PAPPA2: variants seen among roughly 807,000 people sequenced by gnomAD.
PAPPA2 encodes the protein pappalysin 2.
A neutral mutation model predicts 176.4 loss-of-function variants in PAPPA2; 86 were observed. That is an observed-to-expected ratio of 0.49 (90% CI 0.41 to 0.58). PAPPA2 has a LOEUF of 0.58. Ranked by LOEUF, PAPPA2 falls within the 20% of genes least tolerant of loss-of-function variation. PAPPA2 has a pLI of 0.00. For synonymous variants in PAPPA2, 809 were observed against 852.2 expected, an observed-to-expected ratio of 0.95 and a Z score of 0.88; for missense variants, 2,073 against 2,256.9, an observed-to-expected ratio of 0.92 and a Z score of 1.65.
intron 1 of PAPPA2, among the ~76,000 whole-genome samples, chr1:176,536,777 C>T (rs1267282884): frequency 2.0e-5 from 3 of 152,104 alleles, no homozygotes; most frequent in Admixed American, 6.6e-5. Flanking sequence ...GCCCAGAGTC[C>T]GAGTGGGAGG....
intron 17 of PAPPA2, among the ~76,000 whole-genome samples, chr1:176,784,787 C>G (rs914079484): frequency 2.6e-5 from 4 of 152,086 alleles, no homozygotes; most frequent in Admixed American, 2.6e-4. Context: ...GGGGTTTCAC[C>G]ATATTGGCCA....
chr1:176,842,356 T>A, intron 22 of PAPPA2, 24 bp from the exon 23 acceptor site: 1 of 1,603,430 alleles, frequency 6.2e-7, no homozygotes, highest in Non-Finnish European at 8.5e-7. Flanking sequence ...ATGAGCTATT[T>A]CTACTTCCCT....
At chr1:176,696,120 GA>G (rs1007608558) in intron 7 of PAPPA2, among the ~76,000 whole-genome samples, 2 of 152,038 alleles carry the variant, frequency 1.3e-5, no homozygotes, top group Admixed American at 1.3e-4. Context: ...ATATAGGACA[GA>G]AGGATGGAGA....
At position 176,788,175 on chromosome 1, in the gene PAPPA2, A is replaced by G. The variant is rs1296042922; in HGVS notation, c.4716-1634A>G. On this transcript the variant is annotated intron_variant, in intron 17 of 22. Coordinates refer to ENST00000367662, the MANE Select transcript of PAPPA2 (RefSeq NM_020318.3). ...CTGACATGCTGTTAGTTTCAGTTCA[A>G]TGATTCAATTCAGCAGATACTTACT... is the stretch of plus-strand genomic sequence containing the variant. 4.6e-5 allele frequency among the ~76,000 whole-genome samples: 7 copies of G among 152,338 alleles called. No individual in the cohort carries two copies. In the South Asian group the frequency reaches 1.0e-3, roughly 23 times the overall value.
chr1:176,473,229 T>G (rs927354680), intron 1 of PAPPA2, among the ~76,000 whole-genome samples: 2 of 152,202 alleles, frequency 1.3e-5, no homozygotes, highest in Non-Finnish European at 1.5e-5. Context: ...CAACCACTTA[T>G]CTTTTTACTG....
At chr1:176,751,205 TG>T (rs1156427267) in intron 14 of PAPPA2, among the ~76,000 whole-genome samples, 6 of 152,032 alleles carry the variant, frequency 3.9e-5, no homozygotes, top group Non-Finnish European at 8.8e-5. Context: ...TCTATATCTC[TG>T]TTTTGGTACC....
chr1:176,699,261 G>A lies in PAPPA2; in HGVS notation c.2908G>A (p.Val970Ile), dbSNP rs757371595. The A allele has an allele frequency of 1.9e-6, 3 of 1,614,008 alleles. No homozygotes were observed. The highest frequency in any genetic ancestry group is 1.3e-5 in the African/African-American group (1 of 74,912). Residue 970 changes from valine to isoleucine, a missense_variant, in exon 8 of 23, where the codon GTC (valine) becomes ATC (isoleucine). Physicochemically the swap from Val to Ile is conservative, Grantham distance 29. Transcript: ENST00000367662. ...PVQADTLTLWVTSFFMESSQV... is the reference protein window; with the variant it reads ...PVQADTLTLWITSFFMESSQV... Reference sequence around the variant, plus strand: ...CCAAGCCGACACCCTCACCCTGTGGGTCACTTCCTTCTTCATGGAGTCCTC... The same window carrying A: ...CCAAGCCGACACCCTCACCCTGTGGATCACTTCCTTCTTCATGGAGTCCTC...
chr1:176,599,693 G>A (rs1654201630), intron 3 of PAPPA2, among the ~76,000 whole-genome samples: 1 of 151,428 alleles, frequency 6.6e-6, no homozygotes, highest in Non-Finnish European at 1.5e-5. Context: ...GTTTTTTTGT[G>A]TGTTATATCC....
chr1:176,765,344 G>A (rs892321229), intron 14 of PAPPA2, among the ~76,000 whole-genome samples: 1 of 152,136 alleles, frequency 6.6e-6, no homozygotes, highest in Non-Finnish European at 1.5e-5. Context: ...AATATTTTGA[G>A]TGTCATCCCA....
At position 176,556,641 on chromosome 1, in the gene PAPPA2, G is replaced by A. The variant is rs1177398332; in HGVS notation, c.319G>A (p.Val107Ile). ...PDTEGNAVSL[V>I]PPDLTENPAG... ...CACTGAAGGAAATGCTGTGAGCCTT[G>A]TTCCCCCAGACCTGACTGAAAATCC... Residue 107 changes from valine to isoleucine, a missense_variant, in exon 2 of 23, where the codon GTT (valine) becomes ATT (isoleucine). Transcript: ENST00000367662. 4 of 1,614,198 alleles carry A rather than the reference G, an allele frequency of 2.5e-6. No homozygotes were observed. In the Admixed American group the frequency reaches 5.0e-5, roughly 20 times the overall value.
In PAPPA2 at chr1:176,576,177, AACTC is replaced by A. The variant is rs1442769199; in HGVS notation, c.920-18346_920-18343del. The stretch of plus-strand genomic sequence containing the variant: ...AAATGGTTTTCTGGAATGGTTTACT[AACTC>A]TCTCTCACTCCAGCAGTGCATGAGT... On this transcript the variant is annotated intron_variant, in intron 2 of 22. Coordinates refer to ENST00000367662, the MANE Select transcript of PAPPA2 (RefSeq NM_020318.3). Among the ~76,000 whole-genome samples, 5 of 152,130 alleles carry A rather than the reference AACTC, an allele frequency of 3.3e-5. No homozygotes were observed. The East Asian group carries it at 9.6e-4, about 29-fold the overall frequency.
At chr1:176,733,910 A>G (rs1242217237) in intron 12 of PAPPA2, among the ~76,000 whole-genome samples, 1 of 152,000 alleles carries the variant, frequency 6.6e-6, no homozygotes, top group Non-Finnish European at 1.5e-5. Context: ...ATGGCCCTTC[A>G]GAGTTGTCCC....
intron 2 of PAPPA2, among the ~76,000 whole-genome samples, chr1:176,564,033 C>CAATGA (rs1490593618): frequency 6.6e-6 from 1 of 152,208 alleles, no homozygotes; most frequent in African/African-American, 2.4e-5. Flanking sequence ...TCTCTCCCAG[C>CAATGA]CTTTTCAGGA....
chr1:176,732,189 A>C (rs184609598), intron 12 of PAPPA2, among the ~76,000 whole-genome samples: 2 of 152,320 alleles, frequency 1.3e-5, no homozygotes, highest in Non-Finnish European at 2.9e-5. Context: ...AAAGTTGACA[A>C]GATCCTTTGT....
intron 21 of PAPPA2, among the ~76,000 whole-genome samples, chr1:176,833,048 C>T (rs1005780373): frequency 6.6e-6 from 1 of 152,174 alleles, no homozygotes; most frequent in Non-Finnish European, 1.5e-5. Context: ...TGAGAGGCCA[C>T]ACAAGTAGAC....
At chr1:176,515,102 G>A (rs545537023) in intron 1 of PAPPA2, among the ~76,000 whole-genome samples, 1 of 152,258 alleles carries the variant, frequency 6.6e-6, no homozygotes, top group African/African-American at 2.4e-5. Flanking sequence ...AAAACTGGGA[G>A]AATTAAAATA....
intron 21 of PAPPA2, among the ~76,000 whole-genome samples, chr1:176,805,732 C>G (rs1665876974): frequency 6.6e-6 from 1 of 152,008 alleles, no homozygotes; most frequent in South Asian, 2.1e-4. Context: ...CCTGTAATCC[C>G]AACACTTTGA....
intron 21 of PAPPA2, among the ~76,000 whole-genome samples, chr1:176,815,974 C>G (rs1222022994): frequency 6.6e-6 from 1 of 151,338 alleles, no homozygotes; most frequent in African/African-American, 2.4e-5. Flanking sequence ...CGTCCTTTTT[C>G]CACAAGGAAC....
intron 8 of PAPPA2, among the ~76,000 whole-genome samples, chr1:176,701,551 A>G (rs1311039205): frequency 6.6e-6 from 1 of 152,170 alleles, no homozygotes; most frequent in Non-Finnish European, 1.5e-5. Flanking sequence ...TTTCTATTAA[A>G]ATACTTAAAA....
Sources: allele counts gnomAD v4.1 joint callset (sites outside exome capture counted in the v4.1 genomes callset), GRCh38; gene constraint gnomAD v4.1.1; transcripts MANE v1.5; gene names NCBI Gene and HGNC (gene_info 2026-07-23, HGNC 2026-07-21).